The following DDX60 variants were observed in gnomAD, a reference collection of about 807,000 sequenced individuals.
The protein encoded by DDX60 is probable ATP-dependent RNA helicase DDX60.
DDX60 carries 165 observed loss-of-function variants against 212.8 expected under a neutral mutation model. The observed-to-expected ratio is 0.78, with a 90% CI of 0.68 to 0.88. The LOEUF (loss-of-function observed/expected upper bound fraction) is 0.88, where lower values mean the gene tolerates loss of function less well. Ranked by LOEUF, DDX60 falls within the 40% of genes least tolerant of loss-of-function variation. The pLI, the probability that DDX60 is intolerant of heterozygous loss-of-function variation, is 0.00. For synonymous variants in DDX60, 703 were observed against 685.3 expected (o/e 1.03, Z -0.40); for missense variants, 1,905 against 2,003.9 (o/e 0.95, Z 0.94).
chr4:168,291,502 C>A (rs1736099131), intron 8 of DDX60, among the ~76,000 whole-genome samples: 1 of 152,142 alleles, frequency 6.6e-6, no homozygotes, highest in Non-Finnish European at 1.5e-5. Flanking sequence ...AAAACCTGAC[C>A]TTGGCAGAGA....
At position 168,263,254 on chromosome 4, in the gene DDX60, G is replaced by T. The variant is rs555335817; in HGVS notation, c.3040-467C>A. On this transcript the variant is annotated intron_variant, in intron 22 of 37. Transcript: ENST00000393743. ...AGAACTGGGTCAACTTCAAGATAAA[G>T]GCTCTTAAACCACCTTCAAGACTCC... is the stretch of plus-strand genomic sequence containing the variant. Among the ~76,000 whole-genome samples, 57 of 152,226 alleles carry T rather than the reference G, an allele frequency of 3.7e-4. 1 individual carries two copies. The highest frequency in any genetic ancestry group is 1.3e-3 in the African/African-American group (55 of 41,528).
rs145638683 is a variant in DDX60 at position 168,290,196 on chromosome 4, G to A, written c.1041+1552C>T. Among the ~76,000 whole-genome samples, 9 of 152,098 alleles carry A rather than the reference G, an allele frequency of 5.9e-5. No individual in the cohort carries two copies. In the East Asian group the frequency reaches 1.7e-3, roughly 29 times the overall value. ...TCAGTTCCTTGGTTATGCCATCCTC[G>A]GGATAATCACACATGCTGCTTCACG... On this transcript the variant is annotated intron_variant, in intron 8 of 37. Coordinates refer to ENST00000393743, the MANE Select transcript of DDX60 (RefSeq NM_017631.6).
chr4:168,271,958 G>C, intron 19 of DDX60, 85 bp downstream of exon 19: 2 of 1,087,452 alleles, frequency 1.8e-6, no homozygotes, highest in Non-Finnish European at 1.4e-6. Context: ...CATCCAAGGG[G>C]ATAGATGTCC....
In DDX60 at chr4:168,246,462, G is replaced by A. The variant is rs1734026337; in HGVS notation, c.4120C>T (p.Leu1374=). ...LSITLVLRLM[L]LASKGDDPED... ...GGGTCATCTCCCTTGGAAGCCAGCA[G>A]CATGAGTCGCAGGACCAGGGTTATG... Residue 1374 remains leucine, a synonymous_variant, in exon 30 of 38, where the codon CTG becomes TTG. Transcript: ENST00000393743. 1.2e-6 allele frequency: 2 copies of A among 1,614,056 alleles called. No individual in the cohort carries two copies. The highest frequency in any genetic ancestry group is 2.7e-5 in the African/African-American group (2 of 75,034).
At chr4:168,221,385 T>C (rs182254363) in intron 36 of DDX60, among the ~76,000 whole-genome samples, 2 of 152,326 alleles carry the variant, frequency 1.3e-5, no homozygotes, top group Admixed American at 1.3e-4. Flanking sequence ...CATGCCATTA[T>C]TTGTTATTCA....
chr4:168,272,972 G>A (rs932657581), intron 18 of DDX60, among the ~76,000 whole-genome samples: 4 of 152,100 alleles, frequency 2.6e-5, no homozygotes, highest in African/African-American at 7.2e-5. Flanking sequence ...TTAAAATTGA[G>A]ATTTGTTAAT....
chr4:168,258,186 C>T (rs1456362666), intron 25 of DDX60, among the ~76,000 whole-genome samples: 2 of 152,160 alleles, frequency 1.3e-5, no homozygotes, highest in Admixed American at 6.5e-5. Flanking sequence ...TATTCAATAA[C>T]ATTTTTGTAG....
At chr4:168,236,508 AC>A in intron 32 of DDX60, 135 bp from the exon 33 acceptor site, 1 of 726,594 alleles carries the variant, frequency 1.4e-6, no homozygotes, top group Non-Finnish European at 2.1e-6. Flanking sequence ...TTGAAGAATT[AC>A]CATATATCCG....
chr4:168,271,219 T>A (rs534238232), intron 19 of DDX60, among the ~76,000 whole-genome samples: 1 of 152,296 alleles, frequency 6.6e-6, no homozygotes, highest in South Asian at 2.1e-4. Flanking sequence ...CTTTGCTAAG[T>A]ATCTTCCATT....
At chr4:168,276,625 T>C (rs1735354521) in intron 14 of DDX60, among the ~76,000 whole-genome samples, 1 of 152,218 alleles carries the variant, frequency 6.6e-6, no homozygotes, top group Admixed American at 6.5e-5. Flanking sequence ...AGCCCTTCAA[T>C]TCAATCCACC....
At chr4:168,283,177 A>C (rs938589479) in intron 13 of DDX60, among the ~76,000 whole-genome samples, 1 of 152,198 alleles carries the variant, frequency 6.6e-6, no homozygotes, top group Non-Finnish European at 1.5e-5. Flanking sequence ...ACGTTAGTTT[A>C]AAATTTCTAA....
chr4:168,287,251 C>A, intron 9 of DDX60, 48 bp from the exon 10 acceptor site: 1 of 1,456,046 alleles, frequency 6.9e-7, no homozygotes, highest in Non-Finnish European at 9.4e-7. Context: ...TCCACTCCCA[C>A]ATAAAGAATC....
At chr4:168,275,176 A>G (rs929716676) in intron 16 of DDX60, among the ~76,000 whole-genome samples, 169 bp downstream of exon 16, 15 of 152,134 alleles carry the variant, frequency 9.9e-5, no homozygotes, top group Admixed American at 3.9e-4. Context: ...AGAAAATCTC[A>G]CTTTCTTTAA....
At chr4:168,249,106 T>C (rs931659639) in intron 28 of DDX60, among the ~76,000 whole-genome samples, 11 of 152,174 alleles carry the variant, frequency 7.2e-5, no homozygotes, top group Non-Finnish European at 1.2e-4. Context: ...TTTTTTATGA[T>C]AGGGCAATAA....
At chr4:168,283,067 CTT>C (rs1412214980) in intron 13 of DDX60, among the ~76,000 whole-genome samples, 1 of 152,068 alleles carries the variant, frequency 6.6e-6, no homozygotes, top group Non-Finnish European at 1.5e-5. Flanking sequence ...TGTAAACACT[CTT>C]TATAATTTAG....
At chr4:168,217,062 A>G (rs1441879659) in intron 37 of DDX60, 30 bp from the exon 38 acceptor site, 1 of 1,424,912 alleles carries the variant, frequency 7.0e-7, no homozygotes, top group South Asian at 1.2e-5. Context: ...TATAGGATCC[A>G]CTTTAGTGAG....
Position 168,293,978 on chromosome 4 carries a change from T to C in DDX60, c.724-33A>G. On this transcript the variant is annotated intron_variant, in intron 6 of 37. Transcript: ENST00000393743. ...AGAAAAAAATTGTAATGTGTCATGC[T>C]ATTTAGAAAAATATTTTTATTTGTA... 3.8e-6 allele frequency: 6 copies of C among 1,580,622 alleles called. No homozygotes were observed. In the Middle Eastern group the frequency reaches 6.8e-4, roughly 179 times the overall value.
chr4:168,226,524 A>T (rs1733261128), intron 33 of DDX60, among the ~76,000 whole-genome samples: 2 of 151,898 alleles, frequency 1.3e-5, no homozygotes, highest in Admixed American at 6.6e-5. Flanking sequence ...TTAATTATTA[A>T]TTTTTTATTT....
chr4:168,266,022 G>T (rs1230786940), intron 22 of DDX60, among the ~76,000 whole-genome samples: 1 of 152,128 alleles, frequency 6.6e-6, no homozygotes, highest in Non-Finnish European at 1.5e-5. Context: ...TTTAGAATTT[G>T]GATTGGGCCA....
Sources: allele counts gnomAD v4.1 joint callset (sites outside exome capture counted in the v4.1 genomes callset), GRCh38; gene constraint gnomAD v4.1.1; transcripts MANE v1.5; gene names NCBI Gene and HGNC (gene_info 2026-07-23, HGNC 2026-07-21).